Variants in PARP4 observed in about 807,000 individuals in gnomAD.
PARP4 encodes poly(ADP-ribose) polymerase family member 4.
PARP4 carries 120 observed loss-of-function variants against 187.7 expected under a neutral mutation model. That is an observed-to-expected ratio of 0.64 (90% confidence interval 0.55 to 0.74). PARP4 has a LOEUF of 0.74. PARP4 is among the 30% of genes least tolerant of loss of function. PARP4 has a pLI of 0.00. For synonymous variants in PARP4, 654 were observed against 740.9 expected (o/e 0.88, Z 1.90); for missense variants, 1,836 against 2,070.5 (o/e 0.89, Z 2.20).
At position 24,447,135 on chromosome 13, in the gene PARP4, C is replaced by A; in HGVS notation, c.3166G>T (p.Val1056Phe). 6.2e-7 allele frequency: 1 copy of A among 1,613,226 alleles called. No individual in the cohort carries two copies. The highest frequency in any genetic ancestry group is 1.1e-5 in the South Asian group (1 of 90,974). The change falls in exon 26 of 34, where the codon GTC becomes TTC. Residue 1056 changes from valine (V) to phenylalanine (F), a missense_variant. Transcript: ENST00000381989. ...TCTGGATTGAGTTGCTGCCATTTGA[C>A]GGAGACAGAGTGGCAACTCGGAGAA... The part of the protein sequence containing the change: ...LCSPSCHSVS[V>F]KWQQLNPDVP...
chr13:24,490,793 A>G lies in PARP4; in HGVS notation c.1089T>C (p.Asn363=). The part of the protein sequence containing the change: ...IRDMVNVCET[N]LSKPNPPSLA... ...GGGATGGTGGGTTGGGTTTGGACAA[A>G]TTAGTTTCACAGACATTAACCATGT... is the stretch of plus-strand genomic sequence containing the variant. The change falls in exon 10 of 34, where the codon AAT becomes AAC. Residue 363 remains asparagine, a synonymous_variant. Transcript: ENST00000381989. 6.2e-7 allele frequency: 1 copy of G among 1,614,158 alleles called. No homozygotes were observed. Among genetic ancestry groups the G allele is most frequent in the African/African-American group, 1.3e-5 (1 of 75,058 alleles).
Position 24,501,798 on chromosome 13 carries a change from T to C in PARP4, c.169A>G (p.Ser57Gly), listed in dbSNP as rs369805159. 4 of 1,612,476 alleles carry C rather than the reference T, an allele frequency of 2.5e-6. No homozygotes were observed. In the African/African-American group the frequency reaches 5.3e-5, roughly 21 times the overall value. Residue 57 changes from serine (S) to glycine (G), a missense_variant, in exon 3 of 34, where the codon AGT becomes GGT. By Grantham distance (56) the Ser-to-Gly change is moderately conservative. Transcript: ENST00000381989. ...TGGATAGAATTCAGTTGGTACTGAC[T>C]CAGAACATCAGCATTATCTAAGATT... ...HIILDNADVL[S>G]QYQLNSIQKN...
Position 24,434,792 on chromosome 13 carries a change from C to A in PARP4, c.4349G>T (p.Gly1450Val), listed in dbSNP as rs147406751. The change falls in exon 31 of 34, where the codon GGT (glycine) becomes GTT (valine). Residue 1450 changes from glycine to valine, a missense_variant. Gly to Val is a moderately radical substitution (Grantham distance 109). Coordinates refer to ENST00000381989, the MANE Select transcript of PARP4 (RefSeq NM_006437.4). Reference sequence around the variant, plus strand: ...AGCAGAGGGATGATAAGACCCAAAACCTCTGATGGGATCAGGGTCTGTAGG... The same window carrying A: ...AGCAGAGGGATGATAAGACCCAAAAACTCTGATGGGATCAGGGTCTGTAGG... Reference protein sequence around the residue: ...SLPTDPDPIRGFGSYHPSASS... With the variant: ...SLPTDPDPIRVFGSYHPSASS... 453 of 1,612,468 alleles carry A rather than the reference C, an allele frequency of 2.8e-4. 5 individuals are homozygous for A. In the African/African-American group the frequency reaches 5.3e-3, roughly 19 times the overall value.
chr13:24,420,971 A>T lies in PARP4; in HGVS notation c.*148T>A. 9.9e-7 allele frequency: 1 copy of T among 1,010,172 alleles called. No individual in the cohort carries two copies. Among genetic ancestry groups the T allele is most frequent in the Non-Finnish European group, 1.3e-6 (1 of 748,326 alleles). 62.6% of individuals were successfully genotyped at this position (1,010,172 alleles called of 1,614,324 possible). On this transcript the variant is annotated 3_prime_UTR_variant, in exon 34 of 34. Coordinates refer to ENST00000381989, the MANE Select transcript of PARP4 (RefSeq NM_006437.4). Reference sequence around the variant, plus strand: ...TTTATTATTGCTTGTTAGTTGATTAAAGTAATTCTTCTTCCACTTAATTTT... The same window carrying T: ...TTTATTATTGCTTGTTAGTTGATTATAGTAATTCTTCTTCCACTTAATTTT...
At chr13:24,457,417 G>A (rs1248404344) in intron 20 of PARP4, among the ~76,000 whole-genome samples, 2 of 152,152 alleles carry the variant, frequency 1.3e-5, no homozygotes, top group East Asian at 3.9e-4. Flanking sequence ...TGGCAGATGA[G>A]ATACAAGCAG....
intron 17 of PARP4, among the ~76,000 whole-genome samples, chr13:24,461,352 A>G (rs539206403): frequency 4.6e-5 from 7 of 152,216 alleles, no homozygotes; most frequent in Non-Finnish European, 8.8e-5. Context: ...CTGCCACTTA[A>G]TAGAGTGGGA....
chr13:24,475,672 C>T (rs56074684), intron 14 of PARP4, 76 bp from the exon 15 acceptor site: 1 of 1,372,940 alleles, frequency 7.3e-7, no homozygotes. Flanking sequence ...TTTATTCCTT[C>T]TTCAAGCCTT....
rs1330549291 is a variant in PARP4 at position 24,469,013 on chromosome 13, C to G, written c.2133+11G>C. On this transcript the variant is annotated intron_variant, in intron 17 of 33. Transcript: ENST00000381989. The stretch of plus-strand genomic sequence containing the variant: ...CTCCTGTATGCATGCGGCATGCACA[C>G]CAAGCCATACCGGAGCATCCTGACT... The G allele has an allele frequency of 1.9e-6, 3 of 1,594,050 alleles. No homozygotes were observed. The East Asian group carries it at 6.7e-5, about 36-fold the overall frequency.
At chr13:24,477,642 T>G (rs1226123042) in intron 14 of PARP4, 59 bp downstream of exon 14, 2 of 907,308 alleles carry the variant, frequency 2.2e-6, no homozygotes, top group East Asian at 5.0e-5. Flanking sequence ...ATTGAAAATA[T>G]AACATTTGAG....
Position 24,459,254 on chromosome 13 carries a change from A to G in PARP4, c.2345+10T>C. On this transcript the variant is annotated intron_variant, in intron 19 of 33. Coordinates refer to ENST00000381989, the MANE Select transcript of PARP4 (RefSeq NM_006437.4). ...ATTGAATTGACAGGTTTTATATTTT[A>G]GGTACTAACCTTTGCTTTGTTCCTA... 6.3e-7 allele frequency: 1 copy of G among 1,590,806 alleles called. No homozygotes were observed. The highest frequency in any genetic ancestry group is 8.6e-7 in the Non-Finnish European group (1 of 1,166,146).
chr13:24,461,238 T>C (rs1872202950), intron 17 of PARP4, among the ~76,000 whole-genome samples: 2 of 152,152 alleles, frequency 1.3e-5, no homozygotes, highest in Admixed American at 1.3e-4. Flanking sequence ...AAGACATCCA[T>C]TTACAGGATG....
At chr13:24,463,042 G>A (rs191537628) in intron 17 of PARP4, among the ~76,000 whole-genome samples, 26 of 152,162 alleles carry the variant, frequency 1.7e-4, no homozygotes, top group African/African-American at 6.3e-4. Flanking sequence ...AGAACTCCAA[G>A]CAAAATAAGC....
intron 10 of PARP4, among the ~76,000 whole-genome samples, chr13:24,489,815 G>A (rs1033982026): frequency 6.6e-5 from 10 of 152,052 alleles, no homozygotes; most frequent in Admixed American, 2.0e-4. Flanking sequence ...CAGCAGCAAC[G>A]CCCCCGCACA....
chr13:24,503,680 T>C lies in PARP4; in HGVS notation c.97A>G (p.Asn33Asp). ...AACGAAAAGGAAAACTTTCCGCCAT[T>C]TTCCTTAATGTCAGTTTGTAGCTTT... ...KKKLQTDIKE[N>D]GGKFSFSLNP... Residue 33 changes from asparagine to aspartate, a missense_variant, in exon 2 of 34, where the codon AAT (asparagine) becomes GAT (aspartate). This residue lies in a region of PARP4 where 1,147 missense variants were observed against 1,214.2 expected (regional missense o/e 0.94). Transcript: ENST00000381989. 1 of 1,613,674 alleles carries C rather than the reference T, an allele frequency of 6.2e-7. No homozygotes were observed. Among genetic ancestry groups the C allele is most frequent in the Non-Finnish European group, 8.5e-7 (1 of 1,179,978 alleles).
At chr13:24,435,977 T>C (rs1390789389) in intron 30 of PARP4, among the ~76,000 whole-genome samples, 2 of 151,108 alleles carry the variant, frequency 1.3e-5, no homozygotes, top group South Asian at 4.2e-4. Flanking sequence ...TTCAAGATCA[T>C]TTCAGTACAA....
intron 2 of PARP4, among the ~76,000 whole-genome samples, chr13:24,503,305 C>T (rs1040122260): frequency 1.1e-4 from 16 of 152,344 alleles, no homozygotes; most frequent in African/African-American, 3.6e-4. Context: ...CGACAGTGCG[C>T]TTTTTGCAAA....
chr13:24,454,096 C>CA (rs55858438), intron 22 of PARP4, among the ~76,000 whole-genome samples: 6,976 of 101,778 alleles, frequency 0.069, 514 homozygotes, highest in African/African-American at 0.2. Flanking sequence ...GACTCTGTCT[C>CA]AAAAAAAAAA....
At chr13:24,500,009 T>C (rs1869182564) in intron 4 of PARP4, among the ~76,000 whole-genome samples, 6 of 151,582 alleles carry the variant, frequency 4.0e-5, no homozygotes, top group Admixed American at 3.9e-4. Context: ...CTCTAAAGGC[T>C]GCTCAGGAAA....
intron 17 of PARP4, among the ~76,000 whole-genome samples, chr13:24,466,040 G>T (rs971907380): frequency 6.6e-6 from 1 of 152,108 alleles, no homozygotes; most frequent in African/African-American, 2.4e-5. Context: ...TGATAAAAAT[G>T]CTCTACATAT....
Sources: gnomAD v4.1 joint callset for allele counts (sites outside exome capture counted in the v4.1 genomes callset) on GRCh38, gnomAD v4.1.1 for gene constraint, gnomAD v4.1.1 regional missense constraint, MANE v1.5 for transcripts, NCBI Gene and HGNC (gene_info 2026-07-23, HGNC 2026-07-21) for gene names.